LCORL: variants seen among roughly 807,000 people sequenced by gnomAD.
The protein encoded by LCORL is ligand-dependent nuclear receptor corepressor-like protein.
Under a neutral mutation model 141.8 loss-of-function variants are expected in LCORL, and 41 were observed. The ratio of observed to expected loss-of-function variants is 0.29; its 90% CI spans 0.23 to 0.38. The LOEUF (loss-of-function observed/expected upper bound fraction) is 0.38, where lower values mean the gene tolerates loss of function less well. LCORL is among the 10% of genes least tolerant of loss of function. LCORL has a pLI of 1.00. For synonymous variants in LCORL, 618 were observed against 694.1 expected (o/e 0.89, Z 1.72); for missense variants, 1,759 against 2,035.0 (o/e 0.86, Z 2.61).
intron 7 of LCORL, among the ~76,000 whole-genome samples, chr4:17,861,589 C>T (rs1273765459): frequency 6.6e-6 from 1 of 152,182 alleles, no homozygotes; most frequent in East Asian, 1.9e-4. Context: ...CGTGTGGCTC[C>T]TCATTAGTTA....
chr4:17,853,326 T>A (rs1205770347), intron 7 of LCORL, among the ~76,000 whole-genome samples: 1 of 152,128 alleles, frequency 6.6e-6, no homozygotes, highest in Non-Finnish European at 1.5e-5. Flanking sequence ...AACAGAAAGA[T>A]ATGCCTAAGG....
At chr4:17,878,967 C>T (rs1727219290) in intron 6 of LCORL, among the ~76,000 whole-genome samples, 2 of 150,740 alleles carry the variant, frequency 1.3e-5, no homozygotes, top group South Asian at 4.2e-4. Flanking sequence ...TTTTTTAATC[C>T]AATACCAGCA....
At position 18,021,833 on chromosome 4, in the gene LCORL, C is replaced by T. The variant is rs953111427; in HGVS notation, c.-82G>A. 2.2e-6 allele frequency: 3 copies of T among 1,388,636 alleles called. No individual in the cohort carries two copies. The highest frequency in any genetic ancestry group is 1.5e-5 in the African/African-American group (1 of 65,090). 86.0% of individuals were successfully genotyped at this position (1,388,636 alleles called of 1,614,324 possible). ...GGGCGCGAGCCCTCGGCGCGAGCCC[C>T]GGAGCGCGCGCCCCCCGGAGGGGGG... On this transcript the variant is annotated 5_prime_UTR_variant, in exon 1 of 8. Coordinates refer to ENST00000635767, the Ensembl canonical transcript of LCORL. The surrounding 1 kb of genome is among the most constrained non-coding windows in gnomAD (Gnocchi z 5.5).
intron 5 of LCORL, among the ~76,000 whole-genome samples, chr4:17,891,852 G>A (rs1295922971): frequency 6.6e-6 from 1 of 151,924 alleles, no homozygotes; most frequent in East Asian, 1.9e-4. Context: ...ATAAAGCGTC[G>A]AGCAGTTAAA....
In LCORL at chr4:17,859,467, G is replaced by A. The variant is rs557602133; in HGVS notation, c.5603-13566C>T. On this transcript the variant is annotated intron_variant, in intron 7 of 7. Transcript: ENST00000635767. ...AGACTTTTATAGACATACAAAGGCAGAGTGAATTAATCAACAGCAGACGTG... is the reference window on the plus strand; with the variant it reads ...AGACTTTTATAGACATACAAAGGCAAAGTGAATTAATCAACAGCAGACGTG... Among the ~76,000 whole-genome samples the A allele has an allele frequency of 3.3e-5, 5 of 152,298 alleles. No individual in the cohort carries two copies. The South Asian group carries it at 1.0e-3, about 32-fold the overall frequency.
At chr4:18,014,098 G>A (rs1224731638) in intron 1 of LCORL, among the ~76,000 whole-genome samples, 5 of 152,076 alleles carry the variant, frequency 3.3e-5, no homozygotes, top group African/African-American at 7.2e-5. Context: ...ATGGGCCACC[G>A]TGCCCGGCCT....
At chr4:17,918,364 G>A (rs1733783381) in intron 4 of LCORL, among the ~76,000 whole-genome samples, 1 of 152,038 alleles carries the variant, frequency 6.6e-6, no homozygotes, top group South Asian at 2.1e-4. Flanking sequence ...CACAGAAAAT[G>A]TCTCTGAGAA....
chr4:17,856,892 C>A (rs1304147053), intron 7 of LCORL, among the ~76,000 whole-genome samples: 1 of 152,160 alleles, frequency 6.6e-6, no homozygotes, highest in Non-Finnish European at 1.5e-5. Context: ...TTTCTATCAT[C>A]CAATTTCATT....
At chr4:17,963,371 G>C (rs1714229604) in intron 2 of LCORL, among the ~76,000 whole-genome samples, 2 of 151,864 alleles carry the variant, frequency 1.3e-5, no homozygotes, top group South Asian at 4.2e-4. Flanking sequence ...TTTTATTTTT[G>C]CTATGAAAGG....
intron 1 of LCORL, among the ~76,000 whole-genome samples, chr4:18,020,205 C>G (rs868052936): frequency 2.0e-5 from 3 of 152,270 alleles, no homozygotes; most frequent in South Asian, 4.1e-4. Flanking sequence ...CTAATACGAT[C>G]TCTTCTCTAC....
At chr4:17,989,489 A>G (rs1719597521) in intron 1 of LCORL, among the ~76,000 whole-genome samples, 1 of 152,202 alleles carries the variant, frequency 6.6e-6, no homozygotes, top group Non-Finnish European at 1.5e-5. Flanking sequence ...AAAGTAATAG[A>G]CAGTGAATTA....
intron 4 of LCORL, chr4:17,911,971 G>C: frequency 1.6e-6 from 1 of 615,446 alleles, no homozygotes; most frequent in South Asian, 1.4e-5. Context: ...TGACTGCTTG[G>C]CCTCCTACCT....
chr4:17,862,258 A>G (rs1013303624), intron 7 of LCORL, among the ~76,000 whole-genome samples: 1 of 152,218 alleles, frequency 6.6e-6, no homozygotes, highest in Non-Finnish European at 1.5e-5. Context: ...AATCATGGCA[A>G]AAGGTGAAAG....
chr4:17,992,674 T>A (rs549568623), intron 1 of LCORL, among the ~76,000 whole-genome samples: 1 of 152,306 alleles, frequency 6.6e-6, no homozygotes, highest in East Asian at 1.9e-4. Flanking sequence ...ATCTGATAAC[T>A]TTGACCTCCA....
chr4:17,943,714 C>A (rs1017608684), intron 4 of LCORL, among the ~76,000 whole-genome samples: 1 of 152,002 alleles, frequency 6.6e-6, no homozygotes, highest in Admixed American at 6.6e-5. Context: ...GTCTCAATAG[C>A]CCATGTAGAA....
exon 7 of LCORL, chr4:17,875,150 A>C: frequency 4.1e-6 from 5 of 1,232,584 alleles, no homozygotes; most frequent in Non-Finnish European, 5.1e-6. Flanking sequence ...CCTGTTCTAA[A>C]GGAGGCAAGC....
At chr4:17,862,601 C>G (rs964781003) in intron 7 of LCORL, among the ~76,000 whole-genome samples, 2 of 152,156 alleles carry the variant, frequency 1.3e-5, no homozygotes, top group Admixed American at 6.5e-5. Context: ...CTTGACAAAG[C>G]TGACAAAAAC....
intron 5 of LCORL, among the ~76,000 whole-genome samples, chr4:17,907,039 G>A (rs1445562536): frequency 1.3e-5 from 2 of 152,080 alleles, no homozygotes; most frequent in African/African-American, 4.8e-5. Flanking sequence ...CAATGACAAG[G>A]CAATCAGGGA....
At chr4:17,949,722 C>A (rs1296791682) in intron 4 of LCORL, among the ~76,000 whole-genome samples, 1 of 152,124 alleles carries the variant, frequency 6.6e-6, no homozygotes, top group African/African-American at 2.4e-5. Context: ...TTCTTAAATT[C>A]TGTTATAACA....
Sources: allele counts gnomAD v4.1 joint callset (sites outside exome capture counted in the v4.1 genomes callset), GRCh38; gene constraint gnomAD v4.1.1; non-coding constraint Gnocchi (gnomAD v3.1); transcripts MANE v1.5; gene names NCBI Gene and HGNC (gene_info 2026-07-23, HGNC 2026-07-21).